The following CEMIP2 variants were observed in gnomAD, a reference collection of about 807,000 sequenced individuals.
CEMIP2 encodes cell surface hyaluronidase CEMIP2.
CEMIP2 carries 79 observed loss-of-function variants against 146.9 expected under a neutral mutation model. The ratio of observed to expected loss-of-function variants is 0.54; its 90% CI spans 0.45 to 0.65. The LOEUF is 0.65. CEMIP2 is among the 30% of genes least tolerant of loss of function. The pLI, the probability that CEMIP2 is intolerant of heterozygous loss-of-function variation, is 0.00. For synonymous variants in CEMIP2, 601 were observed against 606.3 expected (o/e 0.99, Z 0.13); for missense variants, 1,596 against 1,696.2 (o/e 0.94, Z 1.04).
At chr9:71,741,155 G>A (rs1035546334) in intron 4 of CEMIP2, among the ~76,000 whole-genome samples, 7 of 150,210 alleles carry the variant, frequency 4.7e-5, no homozygotes, top group Non-Finnish European at 8.9e-5. Flanking sequence ...AAGTCTCCAG[G>A]TGTGCAGGCA....
rs3780611 is a variant in CEMIP2 at position 71,732,830 on chromosome 9, C to A, written c.1394-310G>T. On this transcript the variant is annotated intron_variant, in intron 6 of 23. Coordinates refer to ENST00000377044, the MANE Select transcript of CEMIP2 (RefSeq NM_013390.3). Reference sequence around the variant, plus strand: ...CATGCCATTCTCCTGCCTCAGCCTCCCAACACAGGGAATTTAAAGATCATC... The same window carrying A: ...CATGCCATTCTCCTGCCTCAGCCTCACAACACAGGGAATTTAAAGATCATC... Among the ~76,000 whole-genome samples, 10 of 150,640 alleles carry A rather than the reference C, an allele frequency of 6.6e-5. No individual in the cohort carries two copies. The Admixed American group carries it at 6.6e-4, about 10-fold the overall frequency.
chr9:71,742,802 A>G (rs1823960017), intron 4 of CEMIP2, among the ~76,000 whole-genome samples: 1 of 152,244 alleles, frequency 6.6e-6, no homozygotes, highest in Admixed American at 6.5e-5. Context: ...CATGTACATT[A>G]AGAGATGGAT....
chr9:71,704,966 G>C (rs193148555), intron 17 of CEMIP2, 163 bp from the exon 18 acceptor site: 9 of 628,526 alleles, frequency 1.4e-5, no homozygotes, highest in Non-Finnish European at 2.5e-5. Flanking sequence ...GCCACTTATA[G>C]TGCAGCCTAC....
In CEMIP2 at chr9:71,683,549, C is replaced by CAG. The variant is rs1554678632; in HGVS notation, c.*1647_*1648insCT. ...ACACACACACACACACACACACACACACTCTAATGACCTTCAGGAACCATA... is the reference window on the plus strand; with the variant it reads ...ACACACACACACACACACACACACACAGACTCTAATGACCTTCAGGAACCATA... On this transcript the variant is annotated 3_prime_UTR_variant, in exon 24 of 24. Coordinates refer to ENST00000377044, the MANE Select transcript of CEMIP2 (RefSeq NM_013390.3). 2 of 16,712 alleles carry CAG rather than the reference C, an allele frequency of 1.2e-4. No individual in the cohort carries two copies. Among genetic ancestry groups the CAG allele is most frequent in the African/African-American group, 3.6e-4 (2 of 5,544 alleles). The allele number at this position is 16,712 out of a possible 1,614,324, so 1.0% of individuals were successfully genotyped here.
At chr9:71,723,032 C>A in intron 11 of CEMIP2, among the ~76,000 whole-genome samples, 1 of 114,670 alleles carries the variant, frequency 8.7e-6, no homozygotes. Context: ...ATTGGTGGTG[C>A]AGGGGAGGAG....
intron 1 of CEMIP2, among the ~76,000 whole-genome samples, chr9:71,755,754 C>T (rs1824415551): frequency 6.6e-6 from 1 of 151,444 alleles, no homozygotes; most frequent in African/African-American, 2.4e-5. Context: ...CTCAGGAGTT[C>T]GAGACTAGCC....
chr9:71,746,470 G>T, intron 2 of CEMIP2, 129 bp from the exon 3 acceptor site: 1 of 1,099,274 alleles, frequency 9.1e-7, no homozygotes, highest in Non-Finnish European at 1.3e-6. Context: ...CCTGCCATTA[G>T]AATGGAAATC....
chr9:71,728,260 C>A (rs1289464061), intron 10 of CEMIP2, among the ~76,000 whole-genome samples: 1 of 6,148 alleles, frequency 1.6e-4, no homozygotes, highest in African/African-American at 3.6e-4. Flanking sequence ...TGTATATACA[C>A]GTATATATAT....
At chr9:71,744,497 G>C (rs1824016403) in intron 4 of CEMIP2, among the ~76,000 whole-genome samples, 1 of 152,118 alleles carries the variant, frequency 6.6e-6, no homozygotes, top group African/African-American at 2.4e-5. Flanking sequence ...GGGGTCCATA[G>C]ACCTGTGCCA....
intron 22 of CEMIP2, among the ~76,000 whole-genome samples, chr9:71,688,405 T>C (rs1822131458): frequency 6.6e-6 from 1 of 152,020 alleles, no homozygotes; most frequent in Non-Finnish European, 1.5e-5. Context: ...TTCTTTTTTT[T>C]TTAGAGACAG....
At chr9:71,726,677 CAT>C (rs1278719404) in intron 10 of CEMIP2, among the ~76,000 whole-genome samples, 1 of 152,088 alleles carries the variant, frequency 6.6e-6, no homozygotes, top group Admixed American at 6.6e-5. Flanking sequence ...TTATGGAAAA[CAT>C]ATATTTATAC....
At chr9:71,734,208 G>GGTTTTTTTTTTTTTTTT (rs374206725) in intron 6 of CEMIP2, among the ~76,000 whole-genome samples, 1 of 144,134 alleles carries the variant, frequency 6.9e-6, no homozygotes, top group Non-Finnish European at 1.6e-5. Context: ...ATGAGTTTTT[G>GGTTTTTTTTTTTTTTTT]TTTTTGTTTT....
chr9:71,733,422 A>T (rs558763959), intron 6 of CEMIP2, among the ~76,000 whole-genome samples: 3 of 152,174 alleles, frequency 2.0e-5, no homozygotes, highest in Non-Finnish European at 4.4e-5. Context: ...GCCAGATGGT[A>T]TCATAGTTTT....
chr9:71,685,408 A>AAAG lies in CEMIP2; in HGVS notation c.3956-16_3956-15insCTT, dbSNP rs1554678957. 2.1e-5 allele frequency: 32 copies of AAAG among 1,496,134 alleles called. No homozygotes were observed. The highest frequency in any genetic ancestry group is 1.9e-4 in the Middle Eastern group (1 of 5,368). 92.7% of individuals were successfully genotyped at this position (1,496,134 alleles called of 1,614,324 possible). Reference sequence around the variant, plus strand: ...TATGGTACTCCCTAAAAAAAAAAAAAAAAAAGAAAAAGAAAAAAAATCAAT... The same window carrying AAAG: ...TATGGTACTCCCTAAAAAAAAAAAAAAAGAAAAAGAAAAAGAAAAAAAATCAAT... On this transcript the variant is annotated splice_polypyrimidine_tract_variant and intron_variant, in intron 23 of 23. Coordinates refer to ENST00000377044, the MANE Select transcript of CEMIP2 (RefSeq NM_013390.3).
chr9:71,757,201 C>A (rs996676608), intron 1 of CEMIP2, among the ~76,000 whole-genome samples: 2 of 152,146 alleles, frequency 1.3e-5, no homozygotes, highest in Non-Finnish European at 1.5e-5. Context: ...CCCATCATCC[C>A]CTCATATTGA....
chr9:71,722,472 C>T lies in CEMIP2; in HGVS notation c.2222G>A (p.Ser741Asn). ...GAGGTATTCCCTTGGGTCAGCAGCA[C>T]TAGAGTTGGTTGTTTTGACACCTTT... ...IDKGVKTTNS[S>N]AADPREYLCL... The change falls in exon 12 of 24, where the codon AGT (serine) becomes AAT (asparagine). Residue 741 changes from serine to asparagine, a missense_variant. Physicochemically the swap from Ser to Asn is conservative, Grantham distance 46. Transcript: ENST00000377044. 6.2e-7 allele frequency: 1 copy of T among 1,613,826 alleles called. No individual in the cohort carries two copies. The highest frequency in any genetic ancestry group is 8.5e-7 in the Non-Finnish European group (1 of 1,179,900).
upstream of CEMIP2, chr9:71,768,870 G>T (rs1163926134): frequency 6.7e-6 from 1 of 148,752 alleles, no homozygotes; most frequent in African/African-American, 2.5e-5. Context: ...CAAGCAGCCC[G>T]GCTCGGCTGG....
chr9:71,694,458 ATT>A, intron 21 of CEMIP2, 49 bp downstream of exon 21: 1 of 1,458,118 alleles, frequency 6.9e-7, no homozygotes, highest in Non-Finnish European at 9.6e-7. Context: ...AGTTTATGGC[ATT>A]TTGTTATACC....
In CEMIP2 at chr9:71,684,412, T is replaced by G. The variant is rs1284507122; in HGVS notation, c.*785A>C. 5 of 152,590 alleles carry G rather than the reference T, an allele frequency of 3.3e-5. No homozygotes were observed. The highest frequency in any genetic ancestry group is 1.2e-4 in the African/African-American group (5 of 41,412). 9.5% of individuals were successfully genotyped at this position (152,590 alleles called of 1,614,324 possible). ...CAAAACAAAACAAAAAAGGAAATAT[T>G]CAGTTGAGCTCTGCATTTTAAACAC... On this transcript the variant is annotated 3_prime_UTR_variant, in exon 24 of 24. Transcript: ENST00000377044.
Sources: gnomAD v4.1 joint callset for allele counts (sites outside exome capture counted in the v4.1 genomes callset) on GRCh38, gnomAD v4.1.1 for gene constraint, MANE v1.5 for transcripts, NCBI Gene and HGNC (gene_info 2026-07-23, HGNC 2026-07-21) for gene names.